The following DST variants were observed in gnomAD, a reference collection of about 807,000 sequenced individuals.
The protein encoded by DST is bullous pemphigoid antigen.
A neutral mutation model predicts 875.2 loss-of-function variants in DST; 253 were observed. The ratio of observed to expected loss-of-function variants is 0.29; its 90% CI spans 0.26 to 0.32. DST has a LOEUF of 0.32. Ranked by LOEUF, DST falls within the 10% of genes least tolerant of loss-of-function variation. DST has a pLI of 1.00. For synonymous variants in DST, 3,124 were observed against 3,197.1 expected (o/e 0.98, Z 0.77); for missense variants, 8,287 against 9,111.6 (o/e 0.91, Z 3.68).
intron 2 of DST, among the ~76,000 whole-genome samples, chr6:56,940,337 C>T (rs2127784589): frequency 6.6e-6 from 1 of 151,684 alleles, no homozygotes; most frequent in East Asian, 1.9e-4. Context: ...CACTGAGATA[C>T]AAGGTACATA....
At chr6:56,930,121 A>G (rs1305105607) in intron 2 of DST, among the ~76,000 whole-genome samples, 10 of 152,210 alleles carry the variant, frequency 6.6e-5, no homozygotes, top group Non-Finnish European at 1.5e-5. Context: ...GGGTAAGGAC[A>G]CCAAAAGGTA....
chr6:56,865,241 C>T (rs1773348946), intron 3 of DST, among the ~76,000 whole-genome samples: 1 of 151,676 alleles, frequency 6.6e-6, no homozygotes, highest in Non-Finnish European at 1.5e-5. Flanking sequence ...GACAATCTAC[C>T]TCCCTGCTTC....
intron 69 of DST, among the ~76,000 whole-genome samples, chr6:56,525,997 C>G (rs1020823299): frequency 4.6e-5 from 7 of 152,192 alleles, no homozygotes; most frequent in Non-Finnish European, 1.0e-4. Flanking sequence ...CATAACAATT[C>G]ACAGTATTTA....
intron 36 of DST, chr6:56,624,300 A>C: frequency 1.6e-6 from 1 of 628,748 alleles, no homozygotes; most frequent in East Asian, 2.7e-5. Context: ...GTGAAAATGT[A>C]AAGTCATGAA....
chr6:56,781,549 T>C (rs1564146142), intron 4 of DST, among the ~76,000 whole-genome samples: 2 of 152,212 alleles, frequency 1.3e-5, no homozygotes, highest in African/African-American at 2.4e-5. Context: ...ACAAGAATGC[T>C]TGTGATTTTT....
At chr6:56,788,500 T>C (rs2099709683) in intron 4 of DST, among the ~76,000 whole-genome samples, 1 of 152,150 alleles carries the variant, frequency 6.6e-6, no homozygotes, top group South Asian at 2.1e-4. Context: ...ATGTTCTTTA[T>C]CATCAGGTAC....
intron 16 of DST, 31 bp from the exon 17 acceptor site, chr6:56,642,132 T>C: frequency 1.9e-6 from 3 of 1,564,488 alleles, no homozygotes; most frequent in East Asian, 2.2e-5. Flanking sequence ...GTATTAATTC[T>C]GTGAAACAAG....
intron 9 of DST, among the ~76,000 whole-genome samples, chr6:56,690,457 G>C (rs1044486533): frequency 1.3e-5 from 2 of 152,128 alleles, no homozygotes; most frequent in Non-Finnish European, 2.9e-5. Flanking sequence ...GACCACTCTA[G>C]GTCAGCATGT....
intron 17 of DST, among the ~76,000 whole-genome samples, 173 bp downstream of exon 17, chr6:56,641,774 A>G (rs2152780245): frequency 6.6e-6 from 1 of 152,328 alleles, no homozygotes; most frequent in South Asian, 2.1e-4. Flanking sequence ...AATCTTTAAA[A>G]GACAAGTACC....
chr6:56,710,985 G>T (rs2099360952), intron 5 of DST, among the ~76,000 whole-genome samples: 1 of 151,594 alleles, frequency 6.6e-6, no homozygotes, highest in Non-Finnish European at 1.5e-5. Context: ...CACATCTTAA[G>T]GTATTAATGG....
intron 4 of DST, among the ~76,000 whole-genome samples, chr6:56,786,689 C>A (rs1016583769): frequency 8.5e-5 from 13 of 152,176 alleles, no homozygotes; most frequent in Non-Finnish European, 7.3e-5. Context: ...CCCGCCACCA[C>A]ACCCAGCTAA....
At chr6:56,791,034 C>G (rs2099721418) in intron 4 of DST, among the ~76,000 whole-genome samples, 1 of 152,120 alleles carries the variant, frequency 6.6e-6, no homozygotes, top group South Asian at 2.1e-4. Context: ...GAAAGAGAGG[C>G]CAACAAAGAA....
At position 56,594,184 on chromosome 6, in the gene DST, C is replaced by T. The variant is rs774002432; in HGVS notation, c.12205G>A (p.Glu4069Lys). ...QQYQKVKAQH[E>K]KIISQHQAVI... is the part of the protein sequence containing the mutation. ...GCTTGGTGCTGAGAGATGATCTTCT[C>T]GTGTTGGGCCTATGTGAAAACAAAT... is the stretch of plus-strand genomic sequence containing the variant. The change falls in exon 48 of 104, where the codon GAG becomes AAG. Residue 4069 changes from glutamate to lysine, a missense_variant. By Grantham distance (56) the Glu-to-Lys change is moderately conservative. Around this residue, in one of 10 missense-constraint regions of DST, gnomAD observed 1,513 missense variants for 1,677.8 expected, o/e 0.90. Coordinates refer to ENST00000680361, the MANE Select transcript of DST (RefSeq NM_001374736.1). 26 of 1,520,908 alleles carry T rather than the reference C, an allele frequency of 1.7e-5. No individual in the cohort carries two copies. Among genetic ancestry groups the T allele is most frequent in the African/African-American group, 1.5e-4 (11 of 71,854 alleles). The allele number at this position is 1,520,908 out of a possible 1,614,324, so 94.2% of individuals were successfully genotyped here.
chr6:56,616,362 G>A, intron 36 of DST: 1 of 1,613,626 alleles, frequency 6.2e-7, no homozygotes, highest in Admixed American at 1.7e-5. Context: ...TGCCCTGAAA[G>A]TTCAAGATAT....
In DST at chr6:56,689,954, G is replaced by A. The variant is rs1462950830; in HGVS notation, c.1047+9699C>T. 4.6e-5 allele frequency among the ~76,000 whole-genome samples: 7 copies of A among 152,112 alleles called. No homozygotes were observed. In the South Asian group the frequency reaches 6.2e-4, roughly 13 times the overall value. ...GTCACAAGGTACAAGGTGAGTCTTC[G>A]ACAAACAGAAGATCCTTGAAAAAGG... On this transcript the variant is annotated intron_variant, in intron 9 of 103. Transcript: ENST00000680361.
intron 61 of DST, among the ~76,000 whole-genome samples, chr6:56,538,250 A>G (rs1460727057): frequency 6.6e-6 from 1 of 152,170 alleles, no homozygotes; most frequent in African/African-American, 2.4e-5. Flanking sequence ...TCAGCCTTGC[A>G]AAGTGCTGGG....
chr6:56,590,201 G>A (rs978497224), intron 49 of DST, among the ~76,000 whole-genome samples: 2 of 151,870 alleles, frequency 1.3e-5, no homozygotes, highest in African/African-American at 4.8e-5. Flanking sequence ...AACTGTCTTA[G>A]GACTGTAAGA....
At chr6:56,693,688 T>A (rs1446305455) in intron 9 of DST, among the ~76,000 whole-genome samples, 1 of 151,424 alleles carries the variant, frequency 6.6e-6, no homozygotes, top group Non-Finnish European at 1.5e-5. Flanking sequence ...CTACCATATA[T>A]TTTTTTTTCT....
intron 10 of DST, among the ~76,000 whole-genome samples, chr6:56,667,108 G>C (rs1490015516): frequency 6.6e-6 from 1 of 151,952 alleles, no homozygotes; most frequent in East Asian, 1.9e-4. Context: ...TGGGGTCTTG[G>C]TGTGCTGCCC....
Sources: gnomAD v4.1 joint callset for allele counts (sites outside exome capture counted in the v4.1 genomes callset) on GRCh38, gnomAD v4.1.1 for gene constraint, gnomAD v4.1.1 regional missense constraint, MANE v1.5 for transcripts, NCBI Gene and HGNC (gene_info 2026-07-23, HGNC 2026-07-21) for gene names.